The following RYR3 variants were observed in gnomAD, a reference collection of about 807,000 sequenced individuals.
RYR3 encodes the protein brain ryanodine receptor-calcium release channel.
Under a neutral mutation model 584.3 loss-of-function variants are expected in RYR3, and 207 were observed. The observed-to-expected ratio is 0.35, with a 90% CI of 0.32 to 0.40. RYR3 has a LOEUF of 0.40. RYR3 is among the 10% of genes least tolerant of loss of function. The pLI is 1.00. For synonymous variants in RYR3, 2,416 were observed against 2,248.5 expected (o/e 1.07, Z -2.11); for missense variants, 5,616 against 6,089.2 (o/e 0.92, Z 2.59).
At chr15:33,534,732 G>T (rs1046953641) in intron 5 of RYR3, among the ~76,000 whole-genome samples, 6 of 152,186 alleles carry the variant, frequency 3.9e-5, no homozygotes, top group Admixed American at 1.3e-4. Flanking sequence ...GAGTTGAAAG[G>T]AGGCACATTT....
intron 48 of RYR3, among the ~76,000 whole-genome samples, chr15:33,732,099 C>T (rs577073728): frequency 1.3e-5 from 2 of 152,098 alleles, no homozygotes; most frequent in Non-Finnish European, 2.9e-5. Context: ...AGCAACCTAC[C>T]GGCTGGGCAC....
rs1304723092 is a variant in RYR3 at position 33,319,700 on chromosome 15, G to GT, written c.51+8604_51+8605insT. On this transcript the variant is annotated intron_variant, in intron 1 of 103. Transcript: ENST00000634891. ...GGTCCTAGTTCAACCATTTGTAAAG[G>GT]CATGGTAATAATTAATGATTACATC... is the stretch of plus-strand genomic sequence containing the variant. Among the ~76,000 whole-genome samples the GT allele has an allele frequency of 2.6e-5, 4 of 152,168 alleles. No homozygotes were observed. In the South Asian group the frequency reaches 6.2e-4, roughly 24 times the overall value.
At chr15:33,746,659 CAGG>C (rs1233756827) in intron 53 of RYR3, among the ~76,000 whole-genome samples, 2 of 151,958 alleles carry the variant, frequency 1.3e-5, no homozygotes, top group East Asian at 3.9e-4. Context: ...ATTAGCCAGG[CAGG>C]AGAATTGCTT....
chr15:33,398,249 C>T lies in RYR3; in HGVS notation c.52-75170C>T, dbSNP rs562542053. On this transcript the variant is annotated intron_variant, in intron 1 of 103. Coordinates refer to ENST00000634891, the MANE Select transcript of RYR3 (RefSeq NM_001036.6). ...GATCGTGTAAGGTCAATGGTCAAAGCAAAGTTGCTAAGTTTTTATTAGAAA... is the reference window on the plus strand; with the variant it reads ...GATCGTGTAAGGTCAATGGTCAAAGTAAAGTTGCTAAGTTTTTATTAGAAA... Among the ~76,000 whole-genome samples the T allele has an allele frequency of 2.4e-4, 36 of 152,306 alleles. 1 individual carries two copies. The South Asian group carries it at 7.5e-3, about 32-fold the overall frequency.
chr15:33,334,476 C>A (rs1446217674), intron 1 of RYR3, among the ~76,000 whole-genome samples: 1 of 152,166 alleles, frequency 6.6e-6, no homozygotes, highest in African/African-American at 2.4e-5. Flanking sequence ...ACTAGCTAGT[C>A]ATATGCAGAA....
intron 16 of RYR3, among the ~76,000 whole-genome samples, chr15:33,594,992 C>T (rs1003639559): frequency 1.3e-5 from 2 of 152,178 alleles, no homozygotes; most frequent in Non-Finnish European, 2.9e-5. Context: ...TTTGACAATG[C>T]TTCCTGTATA....
intron 41 of RYR3, among the ~76,000 whole-genome samples, chr15:33,700,583 A>C (rs969656976): frequency 6.6e-6 from 1 of 152,168 alleles, no homozygotes; most frequent in African/African-American, 2.4e-5. Context: ...TGGTGAAACT[A>C]TATGAGCTAA....
chr15:33,550,916 T>C (rs2056630070), intron 10 of RYR3, among the ~76,000 whole-genome samples: 1 of 152,190 alleles, frequency 6.6e-6, no homozygotes, highest in South Asian at 2.1e-4. Context: ...ACTCCCCACA[T>C]CTCTTAGTTT....
At position 33,491,223 on chromosome 15, in the gene RYR3, G is replaced by A. The variant is rs2050936998; in HGVS notation, c.172-12408G>A. 3.3e-5 allele frequency among the ~76,000 whole-genome samples: 5 copies of A among 152,292 alleles called. No homozygotes were observed. The South Asian group carries it at 1.0e-3, about 32-fold the overall frequency. ...AGTGCTGGTGTCATCACAAAATAAAGCAAAGCTATGATCTCGACTTCATTA... is the reference window on the plus strand; with the variant it reads ...AGTGCTGGTGTCATCACAAAATAAAACAAAGCTATGATCTCGACTTCATTA... On this transcript the variant is annotated intron_variant, in intron 2 of 103. Coordinates refer to ENST00000634891, the MANE Select transcript of RYR3 (RefSeq NM_001036.6).
At chr15:33,454,381 A>T (rs2047372836) in intron 1 of RYR3, among the ~76,000 whole-genome samples, 1 of 152,204 alleles carries the variant, frequency 6.6e-6, no homozygotes, top group Non-Finnish European at 1.5e-5. Context: ...TGGGCTAAAA[A>T]ATAAAAACTA....
chr15:33,477,877 GAAAAAAAAAAA>G lies in RYR3; in HGVS notation c.171+4358_171+4368del, dbSNP rs58200056. On this transcript the variant is annotated intron_variant, in intron 2 of 103. Coordinates refer to ENST00000634891, the MANE Select transcript of RYR3 (RefSeq NM_001036.6). ...GCGACAGAGCGAGATTCTGTCTCAAGAAAAAAAAAAAAAAAAAAAAAAAAAAAAAGACTAGG... is the reference window on the plus strand; with the variant it reads ...GCGACAGAGCGAGATTCTGTCTCAAGAAAAAAAAAAAAAAAAAAGACTAGG... Among the ~76,000 whole-genome samples, 24 of 62,616 alleles carry G rather than the reference GAAAAAAAAAAA, an allele frequency of 3.8e-4. 2 individuals carry two copies. Among genetic ancestry groups the G allele is most frequent in the African/African-American group, 1.9e-3 (19 of 10,146 alleles). The allele number at this position is 62,616 out of a possible 152,430, so 41.1% of individuals were successfully genotyped here.
chr15:33,656,606 AGT>A (rs1218605645), intron 32 of RYR3, among the ~76,000 whole-genome samples: 2 of 152,178 alleles, frequency 1.3e-5, no homozygotes, highest in Non-Finnish European at 2.9e-5. Context: ...CCAAACACAA[AGT>A]GTGCCCTGGG....
At chr15:33,652,967 T>C (rs888155307) in intron 32 of RYR3, 84 bp downstream of exon 32, 210 of 1,384,994 alleles carry the variant, frequency 1.5e-4, no homozygotes, top group East Asian at 5.0e-4. Flanking sequence ...TACTCAGCAT[T>C]CCTGCCACAG....
In RYR3 at chr15:33,762,864, A is replaced by G. The variant is rs181333679; in HGVS notation, c.8705+5268A>G. Among the ~76,000 whole-genome samples the G allele has an allele frequency of 2.6e-5, 4 of 152,334 alleles. 1 individual carries two copies. Among genetic ancestry groups the G allele is most frequent in the Non-Finnish European group, 5.9e-5 (4 of 68,034 alleles). ...GAGGCATCACGCTACCTGACTTCAC[A>G]CTATGCTACAAGGCTACAGTAACCA... On this transcript the variant is annotated intron_variant, in intron 60 of 103. Transcript: ENST00000634891.
intron 3 of RYR3, among the ~76,000 whole-genome samples, chr15:33,519,397 G>T (rs959085852): frequency 6.6e-6 from 1 of 152,128 alleles, no homozygotes; most frequent in Non-Finnish European, 1.5e-5. Flanking sequence ...CTTCTTTGGA[G>T]TTCCGGAGAA....
In RYR3 at chr15:33,825,749, C is replaced by G. The variant is rs1313749977; in HGVS notation, c.11146+73C>G. ...TTTTTTTTTTTTTTTTTTTTTTTCC[C>G]CATACAGAGTTTCGCTCTTGTTGCT... On this transcript the variant is annotated intron_variant, in intron 82 of 103. Coordinates refer to ENST00000634891, the MANE Select transcript of RYR3 (RefSeq NM_001036.6). 14 of 636,532 alleles carry G rather than the reference C, an allele frequency of 2.2e-5. No individual in the cohort carries two copies. The East Asian group carries it at 4.6e-4, about 21-fold the overall frequency. The allele number at this position is 636,532 out of a possible 1,614,324, so 39.4% of individuals were successfully genotyped here.
At chr15:33,617,244 C>G (rs373091369) in intron 19 of RYR3, among the ~76,000 whole-genome samples, 11 of 14,618 alleles carry the variant, frequency 7.5e-4, no homozygotes, top group South Asian at 0.5. Context: ...GAAACCCCGT[C>G]TCACTAAAAA....
chr15:33,328,821 G>T (rs903951321), intron 1 of RYR3, among the ~76,000 whole-genome samples: 1 of 152,054 alleles, frequency 6.6e-6, no homozygotes, highest in African/African-American at 2.4e-5. Flanking sequence ...TATGCTTATT[G>T]ATTCTTACTT....
chr15:33,338,865 ACTTCGTTTCCTCTT>A, intron 1 of RYR3, among the ~76,000 whole-genome samples: 12 of 152,304 alleles, frequency 7.9e-5, no homozygotes, highest in African/African-American at 2.2e-4. Flanking sequence ...AAAAATACAA[ACTTCGTTTCCTCTT>A]AAAAACAAGC....
Sources: gnomAD v4.1 joint callset for allele counts (sites outside exome capture counted in the v4.1 genomes callset) on GRCh38, gnomAD v4.1.1 for gene constraint, MANE v1.5 for transcripts, NCBI Gene and HGNC (gene_info 2026-07-23, HGNC 2026-07-21) for gene names.